Variants in WDPCP observed in about 807,000 individuals in gnomAD.
WDPCP encodes WD repeat-containing and planar cell polarity effector protein fritz homolog.
Under a neutral mutation model 93.1 loss-of-function variants are expected in WDPCP, and 71 were observed. The ratio of observed to expected loss-of-function variants is 0.76; its 90% CI spans 0.63 to 0.93. WDPCP has a LOEUF of 0.93. WDPCP is among the 40% of genes least tolerant of loss of function. The pLI is 0.00. For synonymous variants in WDPCP, 315 were observed against 315.0 expected (o/e 1.00, Z 0.00); for missense variants, 844 against 887.4 (o/e 0.95, Z 0.62).
At chr2:63,642,954 G>T (rs1709998378) in intron 3 of WDPCP, 1 of 152,154 alleles carries the variant, frequency 6.6e-6, no homozygotes, top group African/African-American at 2.4e-5. Context: ...CTAGCTGTGG[G>T]TCTGTTATAT....
intron 1 of WDPCP, chr2:63,518,947 C>G (rs1240327928): frequency 6.6e-6 from 1 of 152,262 alleles, no homozygotes; most frequent in East Asian, 1.9e-4. Context: ...ACCCCCATAT[C>G]ACTTTGCTGG....
At chr2:63,257,799 CT>C (rs1310267842) in intron 14 of WDPCP, among the ~76,000 whole-genome samples, 1 of 152,124 alleles carries the variant, frequency 6.6e-6, no homozygotes, top group Non-Finnish European at 1.5e-5. Flanking sequence ...TCTTCACATT[CT>C]CTTTCACTCT....
rs866853384 is a variant in WDPCP at position 63,604,913 on chromosome 2, G to A, written n.488+45746C>T. 1.9e-5 allele frequency: 30 copies of A among 1,597,434 alleles called. 3 individuals are homozygous for A. The Middle Eastern group carries it at 5.0e-3, about 267-fold the overall frequency. On this transcript the variant is annotated intron_variant and non_coding_transcript_variant, in intron 3 of 4. Transcript: ENST00000467687. Reference sequence around the variant, plus strand: ...GAGCCTTCTTAACACTGAGCGTAAAGAACTCTTGAGAGACTCTTAGGACAG... The same window carrying A: ...GAGCCTTCTTAACACTGAGCGTAAAAAACTCTTGAGAGACTCTTAGGACAG...
chr2:63,566,150 C>T (rs902655766), intron 1 of WDPCP, among the ~76,000 whole-genome samples: 14 of 152,078 alleles, frequency 9.2e-5, no homozygotes, highest in Admixed American at 7.9e-4. Flanking sequence ...TGTTTTTATA[C>T]GTCTGTGAAA....
At chr2:63,473,472 C>T (rs1035105351) in intron 6 of WDPCP, among the ~76,000 whole-genome samples, 1 of 152,148 alleles carries the variant, frequency 6.6e-6, no homozygotes, top group Non-Finnish European at 1.5e-5. Context: ...AACATACCCC[C>T]TTATTTTAAG....
intron 17 of WDPCP, among the ~76,000 whole-genome samples, chr2:63,128,716 C>T (rs758362780): frequency 1.1e-4 from 16 of 152,074 alleles, no homozygotes; most frequent in African/African-American, 1.4e-4. Context: ...TTGCCCAGGC[C>T]GGAGTGCAGT....
intron 1 of WDPCP, among the ~76,000 whole-genome samples, chr2:63,580,642 C>T (rs1708433736): frequency 6.6e-6 from 1 of 152,014 alleles, no homozygotes; most frequent in South Asian, 2.1e-4. Context: ...CAAAGAGGGC[C>T]AATAAACTGT....
At chr2:63,393,148 G>T (rs192300241) in intron 10 of WDPCP, among the ~76,000 whole-genome samples, 2 of 152,126 alleles carry the variant, frequency 1.3e-5, no homozygotes, top group African/African-American at 2.4e-5. Flanking sequence ...ATGTCCATCA[G>T]TGATAGACTG....
chr2:63,167,863 C>T (rs1476381670), intron 15 of WDPCP, among the ~76,000 whole-genome samples: 1 of 151,966 alleles, frequency 6.6e-6, no homozygotes, highest in East Asian at 1.9e-4. Context: ...GCCTATAATC[C>T]CAGCACTTTG....
chr2:63,140,101 T>G (rs1270406856), intron 17 of WDPCP, among the ~76,000 whole-genome samples: 1 of 152,198 alleles, frequency 6.6e-6, no homozygotes, highest in African/African-American at 2.4e-5. Context: ...TTTGTTTGCT[T>G]TGTTGAAAAT....
intron 9 of WDPCP, among the ~76,000 whole-genome samples, chr2:63,411,870 G>A (rs747765153): frequency 6.6e-6 from 1 of 152,078 alleles, no homozygotes; most frequent in Non-Finnish European, 1.5e-5. Context: ...CAAGCAGTGA[G>A]ATTGAAACGG....
At chr2:63,327,156 T>C (rs1236137654) in intron 12 of WDPCP, among the ~76,000 whole-genome samples, 1 of 152,094 alleles carries the variant, frequency 6.6e-6, no homozygotes, top group Non-Finnish European at 1.5e-5. Context: ...AAAGACACAA[T>C]GGGTATTCAG....
At chr2:63,204,013 G>A (rs1676125787) in intron 14 of WDPCP, among the ~76,000 whole-genome samples, 1 of 152,106 alleles carries the variant, frequency 6.6e-6, no homozygotes, top group Non-Finnish European at 1.5e-5. Context: ...AACAAACATG[G>A]GAGTGCAGAT....
intron 6 of WDPCP, among the ~76,000 whole-genome samples, chr2:63,466,869 T>C (rs897797218): frequency 1.3e-5 from 2 of 152,182 alleles, no homozygotes; most frequent in African/African-American, 2.4e-5. Context: ...TTATTAGTCA[T>C]GAATGCCAAC....
At chr2:63,531,176 A>ACAAAGCAGCC (rs1293394776) in intron 1 of WDPCP, among the ~76,000 whole-genome samples, 4 of 152,242 alleles carry the variant, frequency 2.6e-5, no homozygotes, top group African/African-American at 9.6e-5. Context: ...GACTAGGTAA[A>ACAAAGCAGCC]CAAAGCAGCC....
At chr2:63,726,014 A>G (rs759442825) in intron 2 of WDPCP, among the ~76,000 whole-genome samples, 1 of 152,110 alleles carries the variant, frequency 6.6e-6, no homozygotes, top group Non-Finnish European at 1.5e-5. Flanking sequence ...CATTGATAGT[A>G]TCTCTTGCTG....
chr2:63,227,465 C>G (rs574889968), intron 14 of WDPCP, among the ~76,000 whole-genome samples: 2 of 152,020 alleles, frequency 1.3e-5, no homozygotes, highest in East Asian at 3.9e-4. Flanking sequence ...GTAAACAAGA[C>G]AAAGAAAACC....
chr2:63,621,874 AT>A (rs1298883735), intron 3 of WDPCP, among the ~76,000 whole-genome samples: 6 of 55,144 alleles, frequency 1.1e-4, no homozygotes, highest in Admixed American at 2.1e-4. Flanking sequence ...AATATTCAAC[AT>A]TCTTTTTTTT....
chr2:63,535,305 C>G (rs904425303), intron 1 of WDPCP, among the ~76,000 whole-genome samples: 1 of 152,154 alleles, frequency 6.6e-6, no homozygotes, highest in Non-Finnish European at 1.5e-5. Flanking sequence ...TTTATAGATT[C>G]AATGCCATCC....
Sources: gnomAD v4.1 joint callset for allele counts (sites outside exome capture counted in the v4.1 genomes callset) on GRCh38, gnomAD v4.1.1 for gene constraint, MANE v1.5 for transcripts, NCBI Gene and HGNC (gene_info 2026-07-23, HGNC 2026-07-21) for gene names.